The following CELF2 variants were observed in gnomAD, a reference collection of about 807,000 sequenced individuals.
CELF2 encodes CUG triplet repeat RNA-binding protein 2.
In CELF2, 8 loss-of-function variants were observed where a neutral mutation model predicts 62.6. The ratio of observed to expected loss-of-function variants is 0.13; its 90% CI spans 0.07 to 0.23. The LOEUF is 0.23. CELF2 is among the 10% of genes least tolerant of loss of function. CELF2 has a pLI of 1.00. For synonymous variants in CELF2, 258 were observed against 250.0 expected (o/e 1.03, Z -0.30); for missense variants, 333 against 671.0 (o/e 0.50, Z 5.56).
chr10:10,961,767 AAAAAG>A (rs553612157), intron 2 of CELF2, among the ~76,000 whole-genome samples: 109 of 152,180 alleles, frequency 7.2e-4, no homozygotes, highest in African/African-American at 2.6e-3. Flanking sequence ...AAAGAAAAAA[AAAAAG>A]AAAAGAAAGT....
At chr10:10,831,744 G>A (rs1283130286) in intron 1 of CELF2, among the ~76,000 whole-genome samples, 1 of 152,196 alleles carries the variant, frequency 6.6e-6, no homozygotes, top group African/African-American at 2.4e-5. Flanking sequence ...GGCCAAGATG[G>A]CTGGATCACT....
At chr10:10,906,869 C>A (rs1479209797) in intron 1 of CELF2, among the ~76,000 whole-genome samples, 1 of 151,940 alleles carries the variant, frequency 6.6e-6, no homozygotes, top group Non-Finnish European at 1.5e-5. Flanking sequence ...CAGGCACAAG[C>A]CGCCACACCC....
chr10:10,602,177 G>A, the CELF2 span, among the ~76,000 whole-genome samples: 3 of 152,022 alleles, frequency 2.0e-5, no homozygotes. Flanking sequence ...CTTTGCTATT[G>A]TGAATAGTGC....
At chr10:11,276,452 T>C (rs936525333) in intron 8 of CELF2, among the ~76,000 whole-genome samples, 1 of 152,234 alleles carries the variant, frequency 6.6e-6, no homozygotes, top group African/African-American at 2.4e-5. Flanking sequence ...GCCTTGGAGC[T>C]AAGAATCACA....
Position 11,269,038 on chromosome 10 carries a change from A to G in CELF2, c.619-1628A>G, listed in dbSNP as rs1384925121. 6.6e-6 allele frequency among the ~76,000 whole-genome samples: 1 copy of G among 152,208 alleles called. No individual in the cohort carries two copies. Among genetic ancestry groups the G allele is most frequent in the African/African-American group, 2.4e-5 (1 of 41,446 alleles). On this transcript the variant is annotated intron_variant, in intron 6 of 12. Transcript: ENST00000633077. The surrounding 1 kb of genome is among the most constrained non-coding windows in gnomAD (Gnocchi z 4.4). ...TACTATTTAAGGAAGAAAAAAATAG[A>G]TGTTCTGTTAGGAGAGATGCTATAA...
chr10:10,939,335 G>A (rs563064962), intron 2 of CELF2, among the ~76,000 whole-genome samples: 1 of 152,096 alleles, frequency 6.6e-6, no homozygotes, highest in East Asian at 2.0e-4. Context: ...CACCCAGGCT[G>A]GAATGCAGTG....
chr10:11,281,361 A>C (rs1450848217), intron 8 of CELF2, among the ~76,000 whole-genome samples: 1 of 152,166 alleles, frequency 6.6e-6, no homozygotes, highest in Non-Finnish European at 1.5e-5. Context: ...CACGACGAAG[A>C]GCACTGAGGC....
intron 1 of CELF2, among the ~76,000 whole-genome samples, chr10:11,086,610 A>AAAAAAC (rs1594927416): frequency 3.0e-5 from 4 of 134,412 alleles, no homozygotes; most frequent in Admixed American, 7.3e-5. Context: ...AAAAAAAAAA[A>AAAAAAC]CTCCCGACAG....
intron 1 of CELF2, among the ~76,000 whole-genome samples, chr10:10,841,702 T>C (rs574221550): frequency 6.6e-6 from 1 of 152,310 alleles, no homozygotes; most frequent in African/African-American, 2.4e-5. Flanking sequence ...TTGGGTAGTG[T>C]GAATCCTCCA....
chr10:10,784,341 G>C, the CELF2 span: 1 of 152,416 alleles, frequency 6.6e-6, no homozygotes. Context: ...TGCTAGCCTT[G>C]TTGTCCATGA....
the CELF2 span, among the ~76,000 whole-genome samples, chr10:10,540,006 C>T: frequency 6.6e-6 from 1 of 152,174 alleles, no homozygotes; most frequent in Non-Finnish European, 1.5e-5. Context: ...GAGAATTGGA[C>T]TTTGCTGGCT....
chr10:10,752,819 A>AC, the CELF2 span, among the ~76,000 whole-genome samples: 33 of 151,058 alleles, frequency 2.2e-4, no homozygotes, highest in Non-Finnish European at 4.0e-4. Flanking sequence ...AAAAAAAAAA[A>AC]AAAAAATTCT....
chr10:11,038,219 T>A (rs1233224277), intron 1 of CELF2, among the ~76,000 whole-genome samples: 5 of 151,970 alleles, frequency 3.3e-5, no homozygotes, highest in Admixed American at 3.3e-4. Context: ...GTTCAGGGGG[T>A]GAACATAGTA....
intron 9 of CELF2, among the ~76,000 whole-genome samples, chr10:11,294,146 C>G (rs932528822): frequency 6.6e-6 from 1 of 152,194 alleles, no homozygotes; most frequent in East Asian, 1.9e-4. Context: ...TCAAAATGTT[C>G]TGATGTCACG....
At chr10:10,825,961 C>G (rs574432774) in intron 1 of CELF2, among the ~76,000 whole-genome samples, 1 of 152,074 alleles carries the variant, frequency 6.6e-6, no homozygotes, top group Non-Finnish European at 1.5e-5. Context: ...ATCCAATGAG[C>G]GTATACTCTC....
chr10:11,226,643 C>T lies in CELF2; in HGVS notation c.354+9136C>T, dbSNP rs571556205. Among the ~76,000 whole-genome samples, 15 of 147,672 alleles carry T rather than the reference C, an allele frequency of 1.0e-4. No homozygotes were observed. The South Asian group carries it at 1.1e-3, about 11-fold the overall frequency. ...ACACACACACACACACACACACACA[C>T]GAGCTGGCCCTGCCACAGCAGGGGC... On this transcript the variant is annotated intron_variant, in intron 3 of 12. Coordinates refer to ENST00000633077, the MANE Select transcript of CELF2 (RefSeq NM_001326342.2).
At chr10:10,485,653 T>A in the CELF2 span, among the ~76,000 whole-genome samples, 1 of 152,226 alleles carries the variant, frequency 6.6e-6, no homozygotes, top group Admixed American at 6.5e-5. Context: ...ATCTACCTCA[T>A]GAGATGTTAT....
chr10:10,870,098 A>G (rs2060641374), intron 1 of CELF2, among the ~76,000 whole-genome samples: 1 of 152,230 alleles, frequency 6.6e-6, no homozygotes, highest in African/African-American at 2.4e-5. Flanking sequence ...GGTTAACATA[A>G]TATTAACCAA....
intron 3 of CELF2, among the ~76,000 whole-genome samples, chr10:11,234,605 C>CT (rs2070335559): frequency 6.8e-6 from 1 of 147,000 alleles, no homozygotes; most frequent in Admixed American, 6.9e-5. Flanking sequence ...TGGCGTGAAC[C>CT]CGGGGGGCGG....
Sources: allele counts gnomAD v4.1 joint callset (sites outside exome capture counted in the v4.1 genomes callset), GRCh38; gene constraint gnomAD v4.1.1; non-coding constraint Gnocchi (gnomAD v3.1); transcripts MANE v1.5; gene names NCBI Gene and HGNC (gene_info 2026-07-23, HGNC 2026-07-21).